The following SLC9B1 variants were observed in gnomAD, a reference collection of about 807,000 sequenced individuals.
SLC9B1 encodes the protein solute carrier family 9 member B1.
Under a neutral mutation model 51.7 loss-of-function variants are expected in SLC9B1, and 32 were observed. That is an observed-to-expected ratio of 0.62 (90% CI 0.47 to 0.83). The LOEUF is 0.83. SLC9B1 is among the 40% of genes least tolerant of loss of function. The pLI, the probability that SLC9B1 is intolerant of heterozygous loss-of-function variation, is 0.00. For missense variants in SLC9B1, 406 were observed against 613.2 expected, an observed-to-expected ratio of 0.66 and a Z score of 3.57; for synonymous variants, 145 against 212.7, an observed-to-expected ratio of 0.68 and a Z score of 2.77.
intron 11 of SLC9B1, chr4:102,889,975 G>A (rs548072334): frequency 1.7e-5 from 2 of 115,522 alleles, no homozygotes; most frequent in African/African-American, 4.3e-5. Context: ...ATACAGCCCT[G>A]TTGTTACTGC....
chr4:103,014,326 A>G (rs1470486773), intron 1 of SLC9B1, among the ~76,000 whole-genome samples: 1 of 152,210 alleles, frequency 6.6e-6, no homozygotes, highest in African/African-American at 2.4e-5. Context: ...TCCTGACGCT[A>G]CCTTCAACAT....
At chr4:102,980,097 C>A (rs979508713) in intron 3 of SLC9B1, among the ~76,000 whole-genome samples, 4 of 152,100 alleles carry the variant, frequency 2.6e-5, no homozygotes, top group Non-Finnish European at 5.9e-5. Context: ...CAAAAAACAA[C>A]AAATGCTGGT....
intron 3 of SLC9B1, among the ~76,000 whole-genome samples, chr4:102,989,452 A>G (rs1003561742): frequency 2.0e-5 from 3 of 152,030 alleles, no homozygotes; most frequent in Non-Finnish European, 4.4e-5. Context: ...AATAAGAAAC[A>G]TAATTATTTC....
At chr4:102,957,276 A>G (rs1472291876) in intron 3 of SLC9B1, among the ~76,000 whole-genome samples, 1 of 152,234 alleles carries the variant, frequency 6.6e-6, no homozygotes, top group Non-Finnish European at 1.5e-5. Context: ...ATAATGTCTG[A>G]AAACTTCAAA....
intron 2 of SLC9B1, among the ~76,000 whole-genome samples, chr4:102,990,310 G>A (rs763557933): frequency 1.3e-5 from 2 of 151,956 alleles, no homozygotes; most frequent in African/African-American, 2.4e-5. Flanking sequence ...TAGAAAGGAG[G>A]TGAAATATAA....
At chr4:102,906,135 A>G in intron 10 of SLC9B1, 1 of 160,062 alleles carries the variant, frequency 6.2e-6, no homozygotes, top group South Asian at 1.9e-4. Flanking sequence ...GGGGTTCCCC[A>G]TGTTAGCCAG....
At chr4:102,962,489 G>A in intron 3 of SLC9B1, 1 of 490,946 alleles carries the variant, frequency 2.0e-6, no homozygotes, top group South Asian at 1.5e-5. Flanking sequence ...ATTATTTAAT[G>A]TACCAGGATT....
intron 7 of SLC9B1, among the ~76,000 whole-genome samples, chr4:102,931,479 G>A (rs184827115): frequency 1.1e-4 from 16 of 152,026 alleles, no homozygotes; most frequent in African/African-American, 3.9e-4. Flanking sequence ...CTGATTTTAA[G>A]AGAAACTATA....
intron 7 of SLC9B1, among the ~76,000 whole-genome samples, chr4:102,928,077 G>T (rs984843351): frequency 2.0e-5 from 3 of 151,912 alleles, no homozygotes; most frequent in Non-Finnish European, 2.9e-5. Flanking sequence ...GGCCTGTCGG[G>T]GGGTGGAGGG....
At chr4:102,932,385 TAAC>T in intron 6 of SLC9B1, 86 bp from the exon 7 acceptor site, 1 of 1,171,760 alleles carries the variant, frequency 8.5e-7, no homozygotes, top group Non-Finnish European at 1.2e-6. Context: ...AATAACTTTA[TAAC>T]AAACATTGTT....
At chr4:102,935,143 TAAA>T (rs1560937329) in intron 6 of SLC9B1, among the ~76,000 whole-genome samples, 21 of 151,998 alleles carry the variant, frequency 1.4e-4, no homozygotes. Flanking sequence ...ATATAATTAA[TAAA>T]GAAGTTGAAG....
intron 1 of SLC9B1, among the ~76,000 whole-genome samples, chr4:102,992,932 T>G (rs1380466564): frequency 1.3e-5 from 2 of 152,046 alleles, no homozygotes; most frequent in Non-Finnish European, 2.9e-5. Context: ...TGAGTGCAAG[T>G]AGGGGAAATG....
At chr4:102,919,947 T>C (rs1184157066) in intron 7 of SLC9B1, among the ~76,000 whole-genome samples, 1 of 152,212 alleles carries the variant, frequency 6.6e-6, no homozygotes, top group African/African-American at 2.4e-5. Context: ...ACAAGGCCTA[T>C]TGCCTCTAGA....
intron 1 of SLC9B1, among the ~76,000 whole-genome samples, chr4:102,995,772 C>T (rs1289535466): frequency 6.6e-6 from 1 of 152,148 alleles, no homozygotes; most frequent in African/African-American, 2.4e-5. Context: ...TTTATCTCCA[C>T]TGGCCTCAAT....
intron 7 of SLC9B1, among the ~76,000 whole-genome samples, chr4:102,922,921 A>G (rs1427138666): frequency 2.0e-5 from 3 of 152,176 alleles, no homozygotes; most frequent in Non-Finnish European, 4.4e-5. Flanking sequence ...TTAATAGCCT[A>G]CCAACCAAAA....
chr4:102,981,997 T>C (rs887036839), intron 3 of SLC9B1, among the ~76,000 whole-genome samples: 1 of 152,160 alleles, frequency 6.6e-6, no homozygotes, highest in Non-Finnish European at 1.5e-5. Context: ...ATCTAGATTT[T>C]CTATGTTACC....
At chr4:102,920,174 C>T (rs999755568) in intron 7 of SLC9B1, among the ~76,000 whole-genome samples, 12 of 152,144 alleles carry the variant, frequency 7.9e-5, no homozygotes, top group Non-Finnish European at 1.5e-4. Context: ...CTCATTTAGG[C>T]GGATGCCCCT....
At chr4:102,887,251 T>C (rs1733974797) in intron 11 of SLC9B1, 2 of 765,070 alleles carry the variant, frequency 2.6e-6, no homozygotes, top group Admixed American at 2.1e-5. Flanking sequence ...TAGCAAGTGA[T>C]ATGCTTTCTT....
rs1401525125 is a variant in SLC9B1 at position 103,001,380 on chromosome 4, C to T, written c.-1-9668G>A. Among the ~76,000 whole-genome samples, 4 of 152,242 alleles carry T rather than the reference C, an allele frequency of 2.6e-5. 1 individual carries two copies. The highest frequency in any genetic ancestry group is 4.1e-4 in the South Asian group (2 of 4,834). On this transcript the variant is annotated intron_variant, in intron 1 of 11. Coordinates refer to ENST00000296422, the MANE Select transcript of SLC9B1 (RefSeq NM_139173.4). ...AAAAATGGATTTTTCTTTTCTATTA[C>T]ATGGTCAGGCCACAAAATTTGCAAA...
Sources: allele counts gnomAD v4.1 joint callset (sites outside exome capture counted in the v4.1 genomes callset), GRCh38; gene constraint gnomAD v4.1.1; transcripts MANE v1.5; gene names NCBI Gene and HGNC (gene_info 2026-07-23, HGNC 2026-07-21).